ZNF540: variants seen among roughly 807,000 people sequenced by gnomAD.
The protein encoded by ZNF540 is zinc finger protein 540.
A neutral mutation model predicts 11.8 loss-of-function variants in ZNF540; 3 were observed. The observed-to-expected ratio is 0.25, with a 90% CI of 0.12 to 0.65. The LOEUF (loss-of-function observed/expected upper bound fraction) is 0.65, where lower values mean the gene tolerates loss of function less well. ZNF540 is among the 30% of genes least tolerant of loss of function. The probability of loss-of-function intolerance (pLI) is 0.83; values close to 1 mark genes in which losing one functional copy is unlikely to be tolerated. For synonymous variants in ZNF540, 247 were observed against 259.0 expected (o/e 0.95, Z 0.45); for missense variants, 709 against 793.1 (o/e 0.89, Z 1.27).
At chr19:37,555,679 A>T (rs2042651624) in intron 1 of ZNF540, 2 of 580,438 alleles carry the variant, frequency 3.4e-6, no homozygotes, top group Non-Finnish European at 6.1e-6. Flanking sequence ...GGTCACCTAG[A>T]TCAGTTAAAG....
At chr19:37,573,668 CAAAAAA>C (rs55763844) in intron 1 of ZNF540, among the ~76,000 whole-genome samples, 3 of 88,136 alleles carry the variant, frequency 3.4e-5, no homozygotes, top group African/African-American at 1.6e-4. Flanking sequence ...CTTGTGTCTA[CAAAAAA>C]AAAAAAAAAA....
chr19:37,575,038 A>G (rs561031217), intron 1 of ZNF540, among the ~76,000 whole-genome samples: 2 of 152,346 alleles, frequency 1.3e-5, no homozygotes, highest in South Asian at 4.1e-4. Context: ...CATAATTATA[A>G]ATAACTCTAT....
chr19:37,570,224 T>C (rs113899629), intron 1 of ZNF540, among the ~76,000 whole-genome samples: 2 of 152,374 alleles, frequency 1.3e-5, no homozygotes, highest in African/African-American at 4.8e-5. Context: ...ACTAGGACTC[T>C]TATCCCATCC....
chr19:37,592,243 G>A (rs1259606024), upstream of ZNF540, among the ~76,000 whole-genome samples: 8 of 151,966 alleles, frequency 5.3e-5, no homozygotes, highest in African/African-American at 1.9e-4. Context: ...GGGCGACAGA[G>A]TGAGGAAAAA....
chr19:37,567,852 A>G (rs2042914757), intron 1 of ZNF540: 1 of 152,186 alleles, frequency 6.6e-6, no homozygotes, highest in South Asian at 2.1e-4. Flanking sequence ...CTCAAGCTCT[A>G]CATGTGTAGG....
chr19:37,604,823 C>G (rs1006180878), intron 4 of ZNF540, among the ~76,000 whole-genome samples: 2 of 152,200 alleles, frequency 1.3e-5, no homozygotes, highest in Non-Finnish European at 2.9e-5. Context: ...CAGCCCGTGA[C>G]AGGCAACTAA....
chr19:37,566,489 T>A, intron 1 of ZNF540: 1 of 583,392 alleles, frequency 1.7e-6, no homozygotes, highest in Non-Finnish European at 2.8e-6. Context: ...AAGAAGGTAA[T>A]TAGAAAAATA....
At chr19:37,565,357 A>G in intron 1 of ZNF540, 1 of 1,613,794 alleles carries the variant, frequency 6.2e-7, no homozygotes, top group East Asian at 2.2e-5. Context: ...TCTCTCCTGT[A>G]TGAATTCTCT....
At chr19:37,585,037 G>T (rs2043619840) in intron 1 of ZNF540, 1 of 151,778 alleles carries the variant, frequency 6.6e-6, no homozygotes, top group Admixed American at 6.6e-5. Flanking sequence ...ATTCTTGAGA[G>T]TATGCATCTG....
At position 37,588,099 on chromosome 19, in the gene ZNF540, CAAAAAAAAAAAAA is replaced by C. The variant is rs58516591; in HGVS notation, c.-72-10260_-72-10248del. 3.5e-4 allele frequency among the ~76,000 whole-genome samples: 16 copies of C among 45,750 alleles called. No individual in the cohort carries two copies. The South Asian group carries it at 5.0e-3, about 14-fold the overall frequency. The allele number at this position is 45,750 out of a possible 152,430, so 30.0% of individuals were successfully genotyped here. Reference sequence around the variant, plus strand: ...TGGGTGACAGAGCGAGACTCCATCTCAAAAAAAAAAAAAAAAAAAAAAAAAAAAATCCCATGGG... The same window carrying C: ...TGGGTGACAGAGCGAGACTCCATCTCAAAAAAAAAAAAAAAATCCCATGGG... On this transcript the variant is annotated intron_variant, in intron 1 of 4. Coordinates refer to the ZNF540 transcript ENST00000592533.
chr19:37,599,238 T>TG (rs1265967674), intron 2 of ZNF540, among the ~76,000 whole-genome samples: 1 of 152,218 alleles, frequency 6.6e-6, no homozygotes, highest in Non-Finnish European at 1.5e-5. Context: ...GATTCTTTTT[T>TG]ATGTATTAAG....
At chr19:37,576,533 C>T (rs894340774) in intron 1 of ZNF540, among the ~76,000 whole-genome samples, 3 of 152,156 alleles carry the variant, frequency 2.0e-5, no homozygotes, top group African/African-American at 7.2e-5. Flanking sequence ...CTAAGTTATA[C>T]TAATTTTCCT....
At chr19:37,570,487 A>C (rs2043014326) in intron 1 of ZNF540, among the ~76,000 whole-genome samples, 1 of 152,228 alleles carries the variant, frequency 6.6e-6, no homozygotes, top group South Asian at 2.1e-4. Context: ...TATACAAAAA[A>C]ATATACTCAA....
At chr19:37,557,813 G>T (rs2042676581) in intron 1 of ZNF540, among the ~76,000 whole-genome samples, 1 of 152,164 alleles carries the variant, frequency 6.6e-6, no homozygotes, top group South Asian at 2.1e-4. Context: ...AGTCTCTATG[G>T]CATGAGGAGC....
chr19:37,595,326 G>A (rs1277569463), intron 1 of ZNF540: 1 of 152,280 alleles, frequency 6.6e-6, no homozygotes, highest in Non-Finnish European at 1.5e-5. Flanking sequence ...GGCTATTAGT[G>A]GCGCATTTAG....
At position 37,613,124 on chromosome 19, in the gene ZNF540, C is replaced by A; in HGVS notation, c.1844C>A (p.Ala615Asp). Residue 615 changes from alanine to aspartate, a missense_variant, in exon 5 of 5, where the codon GCC becomes GAC. Ala to Asp is a moderately radical substitution (Grantham distance 126). Transcript: ENST00000316433. ...KPYECKQCGKAFRLNSHLTEH... is the reference protein window; with the variant it reads ...KPYECKQCGKDFRLNSHLTEH... ...TATGAGTGTAAACAATGTGGGAAGG[C>A]CTTTAGACTTAATTCACACCTTACT... The A allele has an allele frequency of 6.2e-7, 1 of 1,613,912 alleles. No homozygotes were observed. Among genetic ancestry groups the A allele is most frequent in the Non-Finnish European group, 8.5e-7 (1 of 1,179,964 alleles).
chr19:37,608,062 C>T (rs2044098322), intron 4 of ZNF540, among the ~76,000 whole-genome samples: 2 of 152,126 alleles, frequency 1.3e-5, no homozygotes, highest in East Asian at 1.9e-4. Flanking sequence ...CATTCCTGAT[C>T]TCTGGTTTGG....
At position 37,612,025 on chromosome 19, in the gene ZNF540, G is replaced by A; in HGVS notation, c.745G>A (p.Gly249Arg). The A allele has an allele frequency of 6.2e-7, 1 of 1,613,506 alleles. No homozygotes were observed. The highest frequency in any genetic ancestry group is 8.5e-7 in the Non-Finnish European group (1 of 1,179,916). The part of the protein sequence containing the change: ...GEKPYECQEC[G>R]KTFTLYPQLN... ...GAAACCCTATGAATGTCAAGAATGT[G>A]GGAAGACCTTTACTCTTTACCCACA... The change falls in exon 5 of 5, where the codon GGG becomes AGG. Residue 249 changes from glycine (G) to arginine (R), a missense_variant. Coordinates refer to ENST00000316433, the MANE Select transcript of ZNF540 (RefSeq NM_001172225.3).
intron 1 of ZNF540, chr19:37,586,493 G>A (rs746829835): frequency 1.5e-6 from 1 of 674,650 alleles, no homozygotes; most frequent in Non-Finnish European, 2.6e-6. Flanking sequence ...TTTGGAGAGG[G>A]GAAAAGCATT....
Sources: gnomAD v4.1 joint callset for allele counts (sites outside exome capture counted in the v4.1 genomes callset) on GRCh38, gnomAD v4.1.1 for gene constraint, MANE v1.5 for transcripts, NCBI Gene and HGNC (gene_info 2026-07-23, HGNC 2026-07-21) for gene names.